EHMT1: variants seen among roughly 807,000 people sequenced by gnomAD.
EHMT1 encodes histone-lysine N-methyltransferase EHMT1.
In EHMT1, 15 loss-of-function variants were observed where a neutral mutation model predicts 147.2. The ratio of observed to expected loss-of-function variants is 0.10; its 90% CI spans 0.07 to 0.16. EHMT1 has a LOEUF of 0.16. Ranked by LOEUF, EHMT1 falls within the 10% of genes least tolerant of loss-of-function variation. EHMT1 has a pLI of 1.00. For missense variants in EHMT1, 1,587 were observed against 1,772.4 expected, an observed-to-expected ratio of 0.90 and a Z score of 1.88; for synonymous variants, 795 against 709.6, an observed-to-expected ratio of 1.12 and a Z score of -1.91.
At chr9:137,669,544 GCC>G (rs1383523211) in intron 1 of EHMT1, among the ~76,000 whole-genome samples, 1 of 16,558 alleles carries the variant, frequency 6.0e-5, no homozygotes, top group Non-Finnish European at 1.2e-4. Context: ...CTCCCAAGAC[GCC>G]CCGCACAGCA....
chr9:137,817,331 C>G (rs1954999922), intron 23 of EHMT1, 108 bp from the exon 24 acceptor site: 1 of 1,263,054 alleles, frequency 7.9e-7, no homozygotes, highest in African/African-American at 1.5e-5. Flanking sequence ...GATACAGAAC[C>G]AGTTTTCTTC....
In EHMT1 at chr9:137,813,869, G is replaced by A. The variant is rs1954694344; in HGVS notation, c.3180+339G>A. Reference sequence around the variant, plus strand: ...CACAGGCGAGAGGAGCCCTTGCGAGGCCTGCAGGACGACCTGGATCCCTGC... The same window carrying A: ...CACAGGCGAGAGGAGCCCTTGCGAGACCTGCAGGACGACCTGGATCCCTGC... On this transcript the variant is annotated intron_variant, in intron 21 of 26. Transcript: ENST00000460843. This position sits in a 1 kb window ranked among gnomAD's most constrained non-coding sequence, Gnocchi z 4.9. Among the ~76,000 whole-genome samples, 1 of 152,202 alleles carries A rather than the reference G, an allele frequency of 6.6e-6. No homozygotes were observed. The highest frequency in any genetic ancestry group is 6.5e-5 in the Admixed American group (1 of 15,288).
Position 137,704,850 on chromosome 9 carries a change from C to T in EHMT1, c.22-6117C>T, listed in dbSNP as rs545265604. On this transcript the variant is annotated intron_variant, in intron 1 of 26. Transcript: ENST00000460843. ...CTGCCTTCTTTCTTTCCTTTCCTTC[C>T]CTTTCCTTTCTTTGTTCCTCTCTTT... Among the ~76,000 whole-genome samples the T allele has an allele frequency of 6.1e-5, 8 of 132,036 alleles. No individual in the cohort carries two copies. The East Asian group carries it at 2.0e-3, about 33-fold the overall frequency. 86.6% of individuals were successfully genotyped at this position (132,036 alleles called of 152,430 possible). A position where few individuals can be genotyped will look rare whatever the true frequency, so the allele number is the denominator to read the frequency against.
chr9:137,704,549 C>T (rs1944093476), intron 1 of EHMT1, among the ~76,000 whole-genome samples: 1 of 152,068 alleles, frequency 6.6e-6, no homozygotes, highest in Non-Finnish European at 1.5e-5. Flanking sequence ...AGAGGAGTGT[C>T]CTTGGGTCAT....
chr9:137,713,263 ATTTTT>A (rs59459382), intron 2 of EHMT1, among the ~76,000 whole-genome samples: 1,392 of 102,322 alleles, frequency 0.014, 24 homozygotes, highest in African/African-American at 0.043. Flanking sequence ...CACCATGCTA[ATTTTT>A]TTTTTTTTTT....
At chr9:137,806,515 A>G (rs1375987632) in intron 18 of EHMT1, among the ~76,000 whole-genome samples, 1 of 151,186 alleles carries the variant, frequency 6.6e-6, no homozygotes, top group Non-Finnish European at 1.5e-5. Flanking sequence ...GCTCACTGCA[A>G]CCGCCTTCTT....
intron 6 of EHMT1, chr9:137,748,089 G>C (rs934901035): frequency 6.6e-6 from 1 of 152,098 alleles, no homozygotes; most frequent in African/African-American, 2.4e-5. Context: ...TGGTCTGGGT[G>C]GGGGCATTCT....
At chr9:137,637,339 C>A (rs565483538) in intron 1 of EHMT1, among the ~76,000 whole-genome samples, 1 of 151,898 alleles carries the variant, frequency 6.6e-6, no homozygotes, top group East Asian at 1.9e-4. Context: ...CCATGCCAGG[C>A]TAATTTTGTA....
At chr9:137,802,262 A>G (rs1313139783) in intron 18 of EHMT1, 2 of 398,410 alleles carry the variant, frequency 5.0e-6, no homozygotes, top group African/African-American at 4.1e-5. Context: ...ACTGCAGCCC[A>G]CAGAGCTGTG....
At chr9:137,679,910 A>G (rs1248742126) in intron 1 of EHMT1, among the ~76,000 whole-genome samples, 2 of 151,900 alleles carry the variant, frequency 1.3e-5, no homozygotes, top group East Asian at 1.9e-4. Context: ...TTTGTGATTT[A>G]TTGTTTTATG....
intron 18 of EHMT1, among the ~76,000 whole-genome samples, chr9:137,808,664 C>A (rs1954153602): frequency 1.1e-5 from 1 of 91,154 alleles, no homozygotes; most frequent in South Asian, 3.2e-4. Flanking sequence ...AAATGTAATT[C>A]TGGGCGGGGG....
intron 3 of EHMT1, among the ~76,000 whole-genome samples, chr9:137,718,321 T>C (rs1339309673): frequency 6.6e-6 from 1 of 152,282 alleles, no homozygotes; most frequent in African/African-American, 2.4e-5. Flanking sequence ...GTGCTTTTAG[T>C]GTGCTCTCTC....
In EHMT1 at chr9:137,784,163, A is replaced by G. The variant is rs1172381856; in HGVS notation, c.2382+1766A>G. ...CTGCCTTTGGTGACTTATGGTGAGGACCTCGTGCTGTTCCCGAACACAGCC... is the reference window on the plus strand; with the variant it reads ...CTGCCTTTGGTGACTTATGGTGAGGGCCTCGTGCTGTTCCCGAACACAGCC... On this transcript the variant is annotated intron_variant, in intron 15 of 26. Coordinates refer to ENST00000460843, the MANE Select transcript of EHMT1 (RefSeq NM_024757.5). The G allele has an allele frequency of 1.0e-5, 16 of 1,551,028 alleles. No individual in the cohort carries two copies. The African/African-American group carries it at 1.1e-4, about 11-fold the overall frequency.
chr9:137,680,451 C>T (rs548657589), intron 1 of EHMT1, among the ~76,000 whole-genome samples: 4 of 152,110 alleles, frequency 2.6e-5, no homozygotes, highest in East Asian at 1.9e-4. Flanking sequence ...CCAGCCTGGG[C>T]GACAGAGCCA....
At chr9:137,741,876 G>C (rs1489768727) in intron 4 of EHMT1, among the ~76,000 whole-genome samples, 4 of 152,188 alleles carry the variant, frequency 2.6e-5, no homozygotes, top group Non-Finnish European at 4.4e-5. Flanking sequence ...AAAGCTGAGA[G>C]ACTTGACAGT....
intron 25 of EHMT1, 159 bp from the exon 26 acceptor site, chr9:137,834,190 C>T (rs1588946308): frequency 4.2e-6 from 4 of 942,652 alleles, no homozygotes; most frequent in East Asian, 2.6e-5. Context: ...CTGGCGGAGG[C>T]TCCGCACCGC....
Position 137,636,691 on chromosome 9 carries a change from A to G in EHMT1, c.21+17642A>G, listed in dbSNP as rs537235046. 1.4e-4 allele frequency among the ~76,000 whole-genome samples: 21 copies of G among 152,206 alleles called. No homozygotes were observed. In the East Asian group the frequency reaches 3.7e-3, roughly 27 times the overall value. On this transcript the variant is annotated intron_variant, in intron 1 of 26. Coordinates refer to ENST00000460843, the MANE Select transcript of EHMT1 (RefSeq NM_024757.5). The stretch of plus-strand genomic sequence containing the variant: ...CCTTTATTGATATGGTGTCTTACAT[A>G]GATTTTCATATGCTCAACCAGCCCT...
intron 3 of EHMT1, among the ~76,000 whole-genome samples, chr9:137,719,043 G>A (rs912949267): frequency 2.6e-5 from 4 of 152,024 alleles, no homozygotes; most frequent in Admixed American, 2.6e-4. Flanking sequence ...GTGAGCCACC[G>A]CGCCCGGCCT....
chr9:137,734,347 A>G (rs1947355259), intron 4 of EHMT1, among the ~76,000 whole-genome samples: 1 of 152,250 alleles, frequency 6.6e-6, no homozygotes, highest in Admixed American at 6.5e-5. Flanking sequence ...AATAAGTGAA[A>G]TGAAAAATTC....
Sources: allele counts gnomAD v4.1 joint callset (sites outside exome capture counted in the v4.1 genomes callset), GRCh38; gene constraint gnomAD v4.1.1; non-coding constraint Gnocchi (gnomAD v3.1); transcripts MANE v1.5; gene names NCBI Gene and HGNC (gene_info 2026-07-23, HGNC 2026-07-21).